KLHL14: variants seen among roughly 807,000 people sequenced by gnomAD.
KLHL14 encodes the protein kelch like family member 14, also known as kelch-like protein 14.
A neutral mutation model predicts 64.3 loss-of-function variants in KLHL14; 22 were observed. The ratio of observed to expected loss-of-function variants is 0.34; its 90% CI spans 0.24 to 0.49. The LOEUF is 0.49. Ranked by LOEUF, KLHL14 falls within the 20% of genes least tolerant of loss-of-function variation. KLHL14 has a pLI of 0.99. For synonymous variants in KLHL14, 322 were observed against 333.4 expected (o/e 0.97, Z 0.37); for missense variants, 661 against 789.0 (o/e 0.84, Z 1.94).
At chr18:32,692,830 C>T (rs1165601420) in intron 4 of KLHL14, among the ~76,000 whole-genome samples, 10 of 152,184 alleles carry the variant, frequency 6.6e-5, no homozygotes, top group Non-Finnish European at 1.3e-4. Flanking sequence ...TTAGTCTTCT[C>T]ATAGTAAAAC....
chr18:32,770,909 C>T lies in KLHL14; in HGVS notation c.-43-275G>A, dbSNP rs1418540570. 2 of 470,412 alleles carry T rather than the reference C, an allele frequency of 4.3e-6. No homozygotes were observed. The highest frequency in any genetic ancestry group is 3.5e-5 in the Admixed American group (1 of 28,390). The allele number at this position is 470,412 out of a possible 1,614,324, so 29.1% of individuals were successfully genotyped here. On this transcript the variant is annotated intron_variant, in intron 1 of 8. Coordinates refer to ENST00000359358, the MANE Select transcript of KLHL14 (RefSeq NM_020805.3). The surrounding 1 kb of genome is among the most constrained non-coding windows in gnomAD (Gnocchi z 6.7). Reference sequence around the variant, plus strand: ...TCTCGCCACCTCCCACACACTTCGTCCCTCACTTTCCTAAAACCAACCACC... The same window carrying T: ...TCTCGCCACCTCCCACACACTTCGTTCCTCACTTTCCTAAAACCAACCACC...
intron 2 of KLHL14, among the ~76,000 whole-genome samples, chr18:32,765,670 G>T (rs1335261648): frequency 1.3e-5 from 2 of 152,104 alleles, no homozygotes. Flanking sequence ...TTCTTAGAAA[G>T]AGAACCAACA....
At chr18:32,750,709 A>G (rs1333478577) in intron 2 of KLHL14, among the ~76,000 whole-genome samples, 1 of 152,110 alleles carries the variant, frequency 6.6e-6, no homozygotes, top group Non-Finnish European at 1.5e-5. Flanking sequence ...GCTATATTCT[A>G]TAGTTTCTAG....
rs2050152323 is a variant in KLHL14, at chr18:32,734,337, G to T, written c.1069+7591C>A. The T allele has an allele frequency of 2.2e-5, 15 of 675,342 alleles. No homozygotes were observed. In the South Asian group the frequency reaches 2.4e-4, roughly 11 times the overall value. The allele number at this position is 675,342 out of a possible 1,614,324, so 41.8% of individuals were successfully genotyped here. On this transcript the variant is annotated intron_variant, in intron 3 of 8. Coordinates refer to ENST00000359358, the MANE Select transcript of KLHL14 (RefSeq NM_020805.3). ...TGCTGCATCCATGATGGAGATGCAT[G>T]TCAAGATGGAGCCCCCACATGCCTG...
intron 3 of KLHL14, among the ~76,000 whole-genome samples, chr18:32,712,536 C>A (rs575257465): frequency 6.6e-6 from 1 of 152,128 alleles, no homozygotes; most frequent in Non-Finnish European, 1.5e-5. Flanking sequence ...TTATGTCTTG[C>A]GTCATTAATT....
In KLHL14 at chr18:32,675,194, C is replaced by A. The variant is rs560541040; in HGVS notation, c.1747-397G>T. 6.6e-5 allele frequency among the ~76,000 whole-genome samples: 10 copies of A among 152,024 alleles called. No homozygotes were observed. The South Asian group carries it at 2.1e-3, about 32-fold the overall frequency. ...CATAGCAAGACCTCATCTTTACACA[C>A]ACACTAAAAAAGATAAAAACAAATT... On this transcript the variant is annotated intron_variant, in intron 8 of 8. Transcript: ENST00000359358.
intron 2 of KLHL14, chr18:32,742,713 A>C (rs2050205234): frequency 6.6e-6 from 1 of 152,350 alleles, no homozygotes; most frequent in Admixed American, 6.5e-5. Context: ...AATTGGTAAA[A>C]ATGAGACTGT....
chr18:32,690,044 GAGTT>G (rs1422737775), intron 4 of KLHL14, among the ~76,000 whole-genome samples: 1 of 152,112 alleles, frequency 6.6e-6, no homozygotes, highest in Non-Finnish European at 1.5e-5. Flanking sequence ...AGAGGGAAGA[GAGTT>G]AGGTTTAACC....
intron 7 of KLHL14, among the ~76,000 whole-genome samples, chr18:32,678,173 G>T (rs1200687068): frequency 6.6e-6 from 1 of 152,108 alleles, no homozygotes; most frequent in Non-Finnish European, 1.5e-5. Flanking sequence ...GGTCTCTACT[G>T]GAGCCCTGCC....
In KLHL14 at chr18:32,770,584, C is replaced by T. The variant is rs1232501612; in HGVS notation, c.8G>A (p.Arg3Lys). Residue 3 changes from arginine to lysine, a missense_variant, in exon 2 of 9, where the codon AGA becomes AAA. By Grantham distance (26) the Arg-to-Lys change is conservative. Transcript: ENST00000359358. The surrounding 1 kb of genome is among the most constrained non-coding windows in gnomAD (Gnocchi z 6.7). Reference sequence around the variant, plus strand: ...GAAGGTGGAGGTCCTGTCCCCGGATCTGGACATGGCGAGCTGACTCGGTGC... The same window carrying T: ...GAAGGTGGAGGTCCTGTCCCCGGATTTGGACATGGCGAGCTGACTCGGTGC... MS[R>K]SGDRTSTFDP... is the part of the protein sequence containing the mutation. The T allele has an allele frequency of 3.2e-6, 5 of 1,539,904 alleles. No individual in the cohort carries two copies. In the East Asian group the frequency reaches 1.2e-4, roughly 37 times the overall value.
Position 32,770,770 on chromosome 18 carries a change from T to G in KLHL14, c.-43-136A>C. On this transcript the variant is annotated intron_variant, in intron 1 of 8. Transcript: ENST00000359358. This position sits in a 1 kb window ranked among gnomAD's most constrained non-coding sequence, Gnocchi z 6.7. The stretch of plus-strand genomic sequence containing the variant: ...ATCAAGGCTCAGCTTGACTCCCTCC[T>G]GGCGCGCTCCGGACCCCGACCCTAG... 1 of 584,840 alleles carries G rather than the reference T, an allele frequency of 1.7e-6. No individual in the cohort carries two copies. The highest frequency in any genetic ancestry group is 3.3e-5 in the East Asian group (1 of 30,692). The allele number at this position is 584,840 out of a possible 1,614,324, so 36.2% of individuals were successfully genotyped here.
rs1325355180 is a variant in KLHL14, at chr18:32,770,396, G to A, written c.196C>T (p.Pro66Ser). The A allele has an allele frequency of 6.3e-7, 1 of 1,598,060 alleles. No homozygotes were observed. Among genetic ancestry groups the A allele is most frequent in the East Asian group, 2.2e-5 (1 of 44,584 alleles). ...CCGCCGACCCCTCCCCCGAGAGGGG[G>A]GTGGCTGGAGAAGAGCGATCGGAAG... ...QYFRSLFSSH[P>S]PLGGGVGGQD... Residue 66 changes from proline (P) to serine (S), a missense_variant, in exon 2 of 9, where the codon CCC (proline) becomes TCC (serine). Pro to Ser is a moderately conservative substitution (Grantham distance 74). This residue lies in a region of KLHL14 where 331 missense variants were observed against 339.0 expected (regional missense o/e 0.98). Coordinates refer to ENST00000359358, the MANE Select transcript of KLHL14 (RefSeq NM_020805.3). The surrounding 1 kb of genome is among the most constrained non-coding windows in gnomAD (Gnocchi z 6.7).
intron 8 of KLHL14, among the ~76,000 whole-genome samples, chr18:32,676,795 A>G (rs905293816): frequency 6.6e-6 from 1 of 152,226 alleles, no homozygotes; most frequent in Non-Finnish European, 1.5e-5. Context: ...CATCCTAAAT[A>G]GATTTCATGA....
At chr18:32,730,070 T>G (rs2050129808) in intron 3 of KLHL14, among the ~76,000 whole-genome samples, 1 of 152,244 alleles carries the variant, frequency 6.6e-6, no homozygotes, top group Non-Finnish European at 1.5e-5. Flanking sequence ...TTTTTTGTAG[T>G]TTGAACAAAA....
chr18:32,757,545 A>G (rs552281477), intron 2 of KLHL14, among the ~76,000 whole-genome samples: 2 of 152,294 alleles, frequency 1.3e-5, no homozygotes, highest in Admixed American at 6.5e-5. Context: ...TTCTTCTTCT[A>G]TAGTGCTTCT....
chr18:32,701,508 G>A (rs1319740343), intron 3 of KLHL14, among the ~76,000 whole-genome samples: 1 of 152,170 alleles, frequency 6.6e-6, no homozygotes, highest in Non-Finnish European at 1.5e-5. Context: ...CAACAGGCAT[G>A]GGATGAAGTC....
chr18:32,718,352 T>C (rs745987960), intron 3 of KLHL14, among the ~76,000 whole-genome samples: 1 of 152,222 alleles, frequency 6.6e-6, no homozygotes, highest in Non-Finnish European at 1.5e-5. Flanking sequence ...GTTTACATTA[T>C]TCTCTTTCTC....
chr18:32,764,752 G>A (rs906731744), intron 2 of KLHL14, among the ~76,000 whole-genome samples: 3 of 152,050 alleles, frequency 2.0e-5, no homozygotes, highest in Admixed American at 6.5e-5. Context: ...TGTCAGTTGC[G>A]TTTTTGCACT....
chr18:32,756,403 T>TCACA (rs3042637), intron 2 of KLHL14, among the ~76,000 whole-genome samples: 63,566 of 150,636 alleles, frequency 0.42, 14,427 homozygotes, highest in Non-Finnish European at 0.52. Context: ...AGAGTTTCCT[T>TCACA]CACACACACA....
Sources: gnomAD v4.1 joint callset for allele counts (sites outside exome capture counted in the v4.1 genomes callset) on GRCh38, gnomAD v4.1.1 for gene constraint, gnomAD v4.1.1 regional missense constraint, Gnocchi (gnomAD v3.1) non-coding constraint, MANE v1.5 for transcripts, NCBI Gene and HGNC (gene_info 2026-07-23, HGNC 2026-07-21) for gene names.